Variants in MEF2C observed in about 807,000 individuals in gnomAD.
The protein encoded by MEF2C is myocyte enhancer factor 2C.
Under a neutral mutation model 50.5 loss-of-function variants are expected in MEF2C, and 6 were observed. The observed-to-expected ratio is 0.12, with a 90% CI of 0.07 to 0.23. MEF2C has a LOEUF of 0.23. Among genes scored for constraint, MEF2C ranks in the 10% least tolerant of loss-of-function variants. The probability of loss-of-function intolerance (pLI) is 1.00; values close to 1 mark genes in which losing one functional copy is unlikely to be tolerated. For missense variants in MEF2C, 276 were observed against 605.0 expected, an observed-to-expected ratio of 0.46 and a Z score of 5.70; for synonymous variants, 183 against 228.0, an observed-to-expected ratio of 0.80 and a Z score of 1.78.
intron 1 of MEF2C, among the ~76,000 whole-genome samples, chr5:88,873,640 T>C (rs552451136): frequency 1.0e-4 from 15 of 148,390 alleles, no homozygotes; most frequent in East Asian, 5.9e-4. Flanking sequence ...CCAAGAGTCA[T>C]AGGGAAACAA....
rs1755088540 is a variant in MEF2C at position 88,717,272 on chromosome 5, G to C, written c.*5332C>G. The C allele has an allele frequency of 6.6e-6, 1 of 152,154 alleles. No homozygotes were observed. The allele number at this position is 152,154 out of a possible 1,614,324, so 9.4% of individuals were successfully genotyped here. On this transcript the variant is annotated 3_prime_UTR_variant, in exon 11 of 11. Transcript: ENST00000504921. ...CCCCTTCTGGGCCTTTCTCAATCCT[G>C]CCCACCTTCAAAATCAAGTGAAAGG...
intron 6 of MEF2C, among the ~76,000 whole-genome samples, chr5:88,748,602 G>A (rs916571720): frequency 6.6e-6 from 1 of 152,126 alleles, no homozygotes; most frequent in African/African-American, 2.4e-5. Flanking sequence ...ATGCCAATGT[G>A]ATTTTATTTT....
intron 1 of MEF2C, among the ~76,000 whole-genome samples, chr5:88,893,061 T>A (rs1441208150): frequency 2.0e-5 from 3 of 152,244 alleles, no homozygotes; most frequent in Non-Finnish European, 4.4e-5. Flanking sequence ...ATAGTCATTT[T>A]GCATTTTTGG....
intron 3 of MEF2C, among the ~76,000 whole-genome samples, chr5:88,778,348 CTG>C (rs1785966213): frequency 6.6e-6 from 1 of 152,178 alleles, no homozygotes; most frequent in Non-Finnish European, 1.5e-5. Context: ...CCTCAAGTCT[CTG>C]TGACTAACAA....
At chr5:88,834,599 AGG>A (rs995843191) in intron 1 of MEF2C, among the ~76,000 whole-genome samples, 2 of 152,160 alleles carry the variant, frequency 1.3e-5, no homozygotes, top group Non-Finnish European at 2.9e-5. Context: ...GAATGGACCA[AGG>A]GGTGATGAAG....
Position 88,748,453 on chromosome 5 carries a change from A to G in MEF2C, c.637+617T>C, listed in dbSNP as rs564141492. Among the ~76,000 whole-genome samples, 54 of 152,346 alleles carry G rather than the reference A, an allele frequency of 3.5e-4. 1 individual carries two copies. The highest frequency in any genetic ancestry group is 6.2e-4 in the Non-Finnish European group (42 of 68,028). On this transcript the variant is annotated intron_variant, in intron 6 of 10. Transcript: ENST00000504921. ...TGACATCGATATCTCAATAATCTCA[A>G]TATTACAAATTAACACGGAAACCTG...
chr5:88,863,694 G>A (rs1011727588), intron 1 of MEF2C, among the ~76,000 whole-genome samples: 3 of 151,994 alleles, frequency 2.0e-5, no homozygotes, highest in Admixed American at 6.5e-5. Context: ...CTCTACTTCT[G>A]TAAATTCAGC....
intron 4 of MEF2C, chr5:88,760,961 G>C: frequency 6.3e-7 from 1 of 1,594,742 alleles, no homozygotes; most frequent in Non-Finnish European, 8.5e-7. Context: ...GTTATCAGCA[G>C]ACCAGCCATC....
Position 88,869,424 on chromosome 5 carries a change from A to G in MEF2C, c.-143+13531T>C, listed in dbSNP as rs568883976. Among the ~76,000 whole-genome samples the G allele has an allele frequency of 2.6e-5, 4 of 151,038 alleles. No homozygotes were observed. In the South Asian group the frequency reaches 6.3e-4, roughly 24 times the overall value. On this transcript the variant is annotated intron_variant, in intron 1 of 10. Transcript: ENST00000504921. ...ATTTAAAAAAGTTTAATTTTCCTGA[A>G]CGTTGTATTGTTCTCCAAGTCAAAA...
chr5:88,754,331 C>G (rs1774241734), intron 4 of MEF2C, among the ~76,000 whole-genome samples: 1 of 152,256 alleles, frequency 6.6e-6, no homozygotes, highest in African/African-American at 2.4e-5. Context: ...TTCCCCTCCA[C>G]TTACTCTTTC....
At chr5:88,856,219 T>C (rs888552009) in intron 1 of MEF2C, among the ~76,000 whole-genome samples, 5 of 152,166 alleles carry the variant, frequency 3.3e-5, no homozygotes, top group Admixed American at 6.5e-5. Context: ...TTGAGAGAGA[T>C]GATTTAGGTT....
chr5:88,829,838 C>T (rs998982149), intron 1 of MEF2C, among the ~76,000 whole-genome samples: 14 of 151,866 alleles, frequency 9.2e-5, no homozygotes, highest in Non-Finnish European at 1.2e-4. Context: ...CTTGCCCTAC[C>T]CATAACTGGG....
chr5:88,869,738 C>T (rs562965056), intron 1 of MEF2C, among the ~76,000 whole-genome samples: 2 of 150,168 alleles, frequency 1.3e-5, no homozygotes, highest in South Asian at 2.1e-4. Context: ...TTATTAAGAA[C>T]AGTCAATAGA....
chr5:88,764,575 CG>C (rs1718542758), intron 3 of MEF2C, among the ~76,000 whole-genome samples: 2 of 112,906 alleles, frequency 1.8e-5, no homozygotes, highest in Admixed American at 8.4e-5. Context: ...TTTGGGAGGC[CG>C]AGGCAGGCCG....
chr5:88,815,352 G>C (rs1211973690), intron 2 of MEF2C, among the ~76,000 whole-genome samples: 1 of 151,940 alleles, frequency 6.6e-6, no homozygotes, highest in Admixed American at 6.6e-5. Context: ...CTCCCCCAGG[G>C]CCTTCCAAAT....
chr5:88,737,416 G>GC, intron 6 of MEF2C: 11 of 985,356 alleles, frequency 1.1e-5, no homozygotes, highest in Non-Finnish European at 1.3e-5. Context: ...TTAGCTAACT[G>GC]CAAGTGGTAG....
chr5:88,727,932 A>G (rs986602746), intron 10 of MEF2C, among the ~76,000 whole-genome samples: 6 of 152,080 alleles, frequency 3.9e-5, no homozygotes, highest in African/African-American at 1.2e-4. Flanking sequence ...CTCTGACTAC[A>G]TAAAACAAAA....
intron 6 of MEF2C, chr5:88,739,405 C>T: frequency 2.1e-6 from 2 of 969,730 alleles, no homozygotes; most frequent in East Asian, 2.3e-4. Flanking sequence ...GGAAATGTCA[C>T]ATACATAATA....
chr5:88,796,913 G>T lies in MEF2C; in HGVS notation c.258+7685C>A, dbSNP rs187516089. Among the ~76,000 whole-genome samples, 7 of 152,208 alleles carry T rather than the reference G, an allele frequency of 4.6e-5. No individual in the cohort carries two copies. The East Asian group carries it at 1.4e-3, about 29-fold the overall frequency. ...AGTCATTCAGGAGCAGGTTCTTGAG[G>T]TTCCCTGTAGTTGTGTGGTTTTGAG... On this transcript the variant is annotated intron_variant, in intron 3 of 10. Coordinates refer to ENST00000504921, the MANE Select transcript of MEF2C (RefSeq NM_002397.5).
Sources: allele counts gnomAD v4.1 joint callset (sites outside exome capture counted in the v4.1 genomes callset), GRCh38; gene constraint gnomAD v4.1.1; transcripts MANE v1.5; gene names NCBI Gene and HGNC (gene_info 2026-07-23, HGNC 2026-07-21).